The following LMO7 variants were observed in gnomAD, a reference collection of about 807,000 sequenced individuals.
The protein encoded by LMO7 is LIM domain only protein 7.
Under a neutral mutation model 206.5 loss-of-function variants are expected in LMO7, and 120 were observed. The observed-to-expected ratio is 0.58, with a 90% CI of 0.50 to 0.68. LMO7 has a LOEUF of 0.68. Ranked by LOEUF, LMO7 falls within the 30% of genes least tolerant of loss-of-function variation. LMO7 has a pLI of 0.00. For synonymous variants in LMO7, 706 were observed against 681.5 expected (o/e 1.04, Z -0.56); for missense variants, 1,959 against 1,957.9 (o/e 1.00, Z -0.01).
intron 4 of LMO7, among the ~76,000 whole-genome samples, chr13:75,773,214 A>G (rs753261761): frequency 1.3e-5 from 2 of 152,100 alleles, no homozygotes; most frequent in Non-Finnish European, 2.9e-5. Context: ...CTTCGGGCCT[A>G]CATTCTGATG....
intron 3 of LMO7, among the ~76,000 whole-genome samples, chr13:75,733,404 C>A (rs1405126681): frequency 6.6e-6 from 1 of 152,250 alleles, no homozygotes; most frequent in Non-Finnish European, 1.5e-5. Context: ...ATCAGCAAGA[C>A]TCCGTGGGCG....
At chr13:75,825,222 A>G (rs1384405795) in intron 15 of LMO7, among the ~76,000 whole-genome samples, 1 of 152,242 alleles carries the variant, frequency 6.6e-6, no homozygotes, top group African/African-American at 2.4e-5. Context: ...GTGGAGAAGA[A>G]CAATAGCCTG....
chr13:75,753,023 A>C (rs2047394292), intron 3 of LMO7, among the ~76,000 whole-genome samples: 1 of 152,210 alleles, frequency 6.6e-6, no homozygotes, highest in African/African-American at 2.4e-5. Context: ...TTTTCCATAG[A>C]GACTGCACTA....
intron 1 of LMO7, chr13:75,623,258 A>G (rs370751235): frequency 3.8e-6 from 5 of 1,317,756 alleles, no homozygotes. Context: ...CCTAATCATG[A>G]CTTTTTACAC....
rs1268346806 is a variant in LMO7, at chr13:75,670,374, C to T, written c.69+33648C>T. Among the ~76,000 whole-genome samples the T allele has an allele frequency of 3.3e-5, 5 of 151,982 alleles. No individual in the cohort carries two copies. The East Asian group carries it at 5.8e-4, about 18-fold the overall frequency. Reference sequence around the variant, plus strand: ...ACTAAATGATGGGGATACCCTTCTGCGAAATGTGTCATATAGGCTATTTTG... The same window carrying T: ...ACTAAATGATGGGGATACCCTTCTGTGAAATGTGTCATATAGGCTATTTTG... On this transcript the variant is annotated intron_variant, in intron 1 of 30. Transcript: ENST00000377534.
Position 75,675,917 on chromosome 13 carries a change from C to CAT in LMO7, c.70-37265_70-37264insAT, listed in dbSNP as rs2039973614. On this transcript the variant is annotated intron_variant, in intron 1 of 30. Coordinates refer to ENST00000377534, the MANE Select transcript of LMO7 (RefSeq NM_001306080.2). ...ACACACACACACACACACACACACA[C>CAT]GTCATATACACGATGCATCTTAGAT... 2.7e-5 allele frequency among the ~76,000 whole-genome samples: 4 copies of CAT among 148,840 alleles called. No individual in the cohort carries two copies. In the Admixed American group the frequency reaches 2.7e-4, roughly 10 times the overall value.
intron 3 of LMO7, among the ~76,000 whole-genome samples, chr13:75,729,804 C>A (rs2044934336): frequency 6.6e-6 from 1 of 150,490 alleles, no homozygotes; most frequent in African/African-American, 2.5e-5. Flanking sequence ...TATGTCCCAT[C>A]AATACCTAAT....
At chr13:75,739,337 T>A (rs2046228117) in intron 3 of LMO7, among the ~76,000 whole-genome samples, 2 of 152,168 alleles carry the variant, frequency 1.3e-5, no homozygotes, top group African/African-American at 4.8e-5. Context: ...GTAAAAAATA[T>A]GGGCTGAATT....
At chr13:75,787,742 C>T (rs763155845) in intron 4 of LMO7, among the ~76,000 whole-genome samples, 4 of 152,112 alleles carry the variant, frequency 2.6e-5, no homozygotes, top group Non-Finnish European at 5.9e-5. Flanking sequence ...ATGAGTCACA[C>T]GCCTCTAACG....
chr13:75,642,298 T>A (rs2036612577), intron 1 of LMO7, among the ~76,000 whole-genome samples: 1 of 151,978 alleles, frequency 6.6e-6, no homozygotes, highest in Admixed American at 6.6e-5. Flanking sequence ...ACAAAGAACT[T>A]GTACCTTTAG....
intron 2 of LMO7, chr13:75,623,441 GC>G: frequency 1.7e-6 from 1 of 598,100 alleles, no homozygotes; most frequent in South Asian, 1.8e-5. Context: ...TAGGGTCACT[GC>G]AACCTCTGCC....
At chr13:75,751,836 C>T (rs17065005) in intron 3 of LMO7, among the ~76,000 whole-genome samples, 18,467 of 152,182 alleles carry the variant, frequency 0.12, 1,860 homozygotes, top group East Asian at 0.35. Flanking sequence ...TATGAGTAGA[C>T]ATTTCTGTAT....
At chr13:75,800,510 A>C (rs1192931164) in intron 6 of LMO7, among the ~76,000 whole-genome samples, 174 bp from the exon 7 acceptor site, 1 of 152,190 alleles carries the variant, frequency 6.6e-6, no homozygotes, top group Non-Finnish European at 1.5e-5. Flanking sequence ...AAACAATTAC[A>C]AATTTATTTT....
intron 1 of LMO7, among the ~76,000 whole-genome samples, chr13:75,696,968 G>C (rs892943778): frequency 5.9e-5 from 9 of 152,194 alleles, no homozygotes; most frequent in South Asian, 2.1e-4. Flanking sequence ...AAGGAAGCTG[G>C]TGATCCACAT....
intron 1 of LMO7, among the ~76,000 whole-genome samples, chr13:75,663,432 C>CTTTCTTTTTTTTTTTTTTTTTTTTTTTT (rs1555289857): frequency 9.0e-6 from 1 of 111,410 alleles, no homozygotes; most frequent in Admixed American, 1.1e-4. Context: ...TTCTTTCTTT[C>CTTTCTTTTTTTTTTTTTTTTTTTTTTTT]TTTTTTTTTT....
intron 1 of LMO7, among the ~76,000 whole-genome samples, chr13:75,693,512 C>T (rs919461782): frequency 6.6e-6 from 1 of 152,158 alleles, no homozygotes; most frequent in African/African-American, 2.4e-5. Flanking sequence ...TCCTCCCTAC[C>T]GTCACTGAAT....
intron 1 of LMO7, among the ~76,000 whole-genome samples, chr13:75,651,725 C>T (rs895562350): frequency 1.2e-4 from 18 of 152,102 alleles, no homozygotes; most frequent in East Asian, 3.9e-4. Context: ...GGTCATTTTG[C>T]GGTACAAGCT....
rs1240937141 is a variant in LMO7 at position 75,626,595 on chromosome 13, A to ATT, written c.225+3281_225+3282dup. Among the ~76,000 whole-genome samples the ATT allele has an allele frequency of 4.2e-5, 3 of 71,100 alleles. No homozygotes were observed. The South Asian group carries it at 1.4e-3, about 34-fold the overall frequency. 46.6% of individuals were successfully genotyped at this position (71,100 alleles called of 152,430 possible). The stretch of plus-strand genomic sequence containing the variant: ...ATATATATTATATATATATATATAA[A>ATT]TTTTTTTGAGACAGGGTCTCACTCT... On this transcript the variant is annotated intron_variant, in intron 2 of 29. Coordinates refer to the LMO7 transcript ENST00000341547.
intron 4 of LMO7, among the ~76,000 whole-genome samples, chr13:75,770,075 G>A (rs1394577776): frequency 6.6e-6 from 1 of 151,892 alleles, no homozygotes; most frequent in East Asian, 1.9e-4. Context: ...CAAGAGTAGA[G>A]CACACGCACA....
Sources: allele counts gnomAD v4.1 joint callset (sites outside exome capture counted in the v4.1 genomes callset), GRCh38; gene constraint gnomAD v4.1.1; transcripts MANE v1.5; gene names NCBI Gene and HGNC (gene_info 2026-07-23, HGNC 2026-07-21).